The following RNGTT variants were observed in gnomAD, a reference collection of about 807,000 sequenced individuals.
The protein encoded by RNGTT is mRNA-capping enzyme.
In RNGTT, 33 loss-of-function variants were observed where a neutral mutation model predicts 79.3. The observed-to-expected ratio is 0.42, with a 90% confidence interval of 0.32 to 0.56. The LOEUF (loss-of-function observed/expected upper bound fraction) is 0.56. Among genes scored for constraint, RNGTT ranks in the 20% least tolerant of loss-of-function variants. The probability of loss-of-function intolerance (pLI) is 0.17; values close to 1 mark genes in which losing one functional copy is unlikely to be tolerated. For missense variants in RNGTT, 497 were observed against 739.1 expected (o/e 0.67, Z 3.80); for synonymous variants, 222 against 235.9 (o/e 0.94, Z 0.54).
intron 14 of RNGTT, 63 bp downstream of exon 14, chr6:88,678,290 G>A (rs1774957487): frequency 3.8e-6 from 6 of 1,566,150 alleles, no homozygotes; most frequent in Non-Finnish European, 5.2e-6. Flanking sequence ...TATTAGCAAG[G>A]TTTTGATGGA....
intron 11 of RNGTT, among the ~76,000 whole-genome samples, chr6:88,828,685 G>A (rs1468998827): frequency 2.0e-5 from 3 of 151,922 alleles, no homozygotes; most frequent in East Asian, 1.9e-4. Context: ...CCAGTTTAGA[G>A]AACATACATG....
At chr6:88,710,737 A>C (rs1349899463) in intron 13 of RNGTT, among the ~76,000 whole-genome samples, 1 of 152,234 alleles carries the variant, frequency 6.6e-6, no homozygotes, top group African/African-American at 2.4e-5. Flanking sequence ...CAGTGAAAAT[A>C]AAATTTTATA....
chr6:88,723,359 AC>A (rs1335735065), intron 13 of RNGTT, among the ~76,000 whole-genome samples: 91 of 152,262 alleles, frequency 6.0e-4, no homozygotes, highest in African/African-American at 2.2e-3. Context: ...ATCACAAACA[AC>A]CTGATAACTC....
At chr6:88,652,727 A>G (rs1773842732) in intron 14 of RNGTT, among the ~76,000 whole-genome samples, 1 of 152,174 alleles carries the variant, frequency 6.6e-6, no homozygotes. Context: ...CACAATGTGC[A>G]TGTTGTAAGA....
At chr6:88,827,141 C>A (rs964961985) in intron 11 of RNGTT, among the ~76,000 whole-genome samples, 2 of 151,900 alleles carry the variant, frequency 1.3e-5, no homozygotes, top group Non-Finnish European at 2.9e-5. Context: ...CAGCTCCCAG[C>A]GAGATCAATG....
At chr6:88,884,124 A>G (rs1042976877) in intron 8 of RNGTT, among the ~76,000 whole-genome samples, 5 of 152,184 alleles carry the variant, frequency 3.3e-5, no homozygotes, top group Admixed American at 2.6e-4. Flanking sequence ...CCAGCCTTCA[A>G]CTCAGCAATC....
intron 12 of RNGTT, among the ~76,000 whole-genome samples, chr6:88,772,773 T>C (rs1270263701): frequency 2.0e-4 from 30 of 151,540 alleles, no homozygotes; most frequent in Admixed American, 7.2e-4. Flanking sequence ...CAATGAGATA[T>C]CATCTCACAC....
intron 13 of RNGTT, among the ~76,000 whole-genome samples, chr6:88,762,844 GA>G (rs1172243034): frequency 1.3e-5 from 2 of 152,168 alleles, no homozygotes; most frequent in African/African-American, 4.8e-5. Flanking sequence ...GGCAGAGCTT[GA>G]ATTGAAATCC....
At chr6:88,668,491 A>G (rs962196633) in intron 14 of RNGTT, among the ~76,000 whole-genome samples, 2 of 152,232 alleles carry the variant, frequency 1.3e-5, no homozygotes, top group Admixed American at 1.3e-4. Flanking sequence ...CCCCACATGG[A>G]GGACTGTACC....
intron 6 of RNGTT, among the ~76,000 whole-genome samples, chr6:88,902,280 T>G (rs6925465): frequency 0.022 from 3,332 of 152,160 alleles, 124 homozygotes; most frequent in African/African-American, 0.076. Context: ...AAGATAGGAA[T>G]AAGTAAATGG....
chr6:88,638,286 GC>G (rs1188596954), intron 14 of RNGTT, among the ~76,000 whole-genome samples: 1 of 152,126 alleles, frequency 6.6e-6, no homozygotes, highest in African/African-American at 2.4e-5. Context: ...TGTATTTATA[GC>G]AAGCTAATTA....
At chr6:88,748,318 T>C (rs765748674) in intron 13 of RNGTT, among the ~76,000 whole-genome samples, 37 of 152,078 alleles carry the variant, frequency 2.4e-4, no homozygotes, top group Non-Finnish European at 4.4e-4. Flanking sequence ...TCTCTCTCCC[T>C]CCTTCACTTA....
chr6:88,668,901 C>T (rs757401126), intron 14 of RNGTT, among the ~76,000 whole-genome samples: 6 of 152,048 alleles, frequency 3.9e-5, no homozygotes, highest in South Asian at 4.1e-4. Context: ...AAAATAAGTA[C>T]ATTTGTCATG....
chr6:88,916,201 C>T lies in RNGTT; in HGVS notation c.368-9761G>A, dbSNP rs553805421. 9.9e-5 allele frequency among the ~76,000 whole-genome samples: 15 copies of T among 152,282 alleles called. No individual in the cohort carries two copies. The East Asian group carries it at 2.7e-3, about 27-fold the overall frequency. ...CTATCAAACCTCAGATTCTTCCAGG[C>T]AGGTGGCTCATGCCTGTGATCCCAG... On this transcript the variant is annotated intron_variant, in intron 4 of 15. Transcript: ENST00000369485.
chr6:88,825,031 C>G (rs1780613301), intron 11 of RNGTT, among the ~76,000 whole-genome samples: 1 of 152,060 alleles, frequency 6.6e-6, no homozygotes, highest in African/African-American at 2.4e-5. Flanking sequence ...GTGTGAGCCA[C>G]CACACCCAGC....
rs888546360 is a variant in RNGTT at position 88,652,316 on chromosome 6, C to T, written c.1506+26037G>A. On this transcript the variant is annotated intron_variant, in intron 14 of 15. Transcript: ENST00000369485. ...ACTTCATTGCATTTAGCATAGTTTG[C>T]AAATCTTCTGAACTGCAAACTTGTC... Among the ~76,000 whole-genome samples the T allele has an allele frequency of 1.1e-4, 17 of 152,186 alleles. No homozygotes were observed. In the Middle Eastern group the frequency reaches 0.017, roughly 152 times the overall value.
In RNGTT at chr6:88,823,260, G is replaced by A. The variant is rs144617569; in HGVS notation, c.1269+21097C>T. Among the ~76,000 whole-genome samples the A allele has an allele frequency of 2.3e-3, 343 of 151,974 alleles. 3 individuals are homozygous for A. Among genetic ancestry groups the A allele is most frequent in the African/African-American group, 8.1e-3 (336 of 41,442 alleles). Reference sequence around the variant, plus strand: ...TGACTGAACAACATGGTGAAACCCCGTCTCTACTAAAAATACAAAAAATTA... The same window carrying A: ...TGACTGAACAACATGGTGAAACCCCATCTCTACTAAAAATACAAAAAATTA... On this transcript the variant is annotated intron_variant, in intron 11 of 15. Coordinates refer to ENST00000369485, the MANE Select transcript of RNGTT (RefSeq NM_003800.5).
At chr6:88,793,281 G>A (rs999572905) in intron 12 of RNGTT, among the ~76,000 whole-genome samples, 8 of 152,078 alleles carry the variant, frequency 5.3e-5, no homozygotes, top group African/African-American at 1.9e-4. Context: ...TGAAAATGAT[G>A]AACTAGATAC....
At chr6:88,696,440 G>A (rs973685766) in intron 13 of RNGTT, among the ~76,000 whole-genome samples, 2 of 152,120 alleles carry the variant, frequency 1.3e-5, no homozygotes, top group African/African-American at 4.8e-5. Flanking sequence ...GTTATCTAAT[G>A]ATCCTACAAA....
Sources: gnomAD v4.1 joint callset for allele counts (sites outside exome capture counted in the v4.1 genomes callset) on GRCh38, gnomAD v4.1.1 for gene constraint, MANE v1.5 for transcripts, NCBI Gene and HGNC (gene_info 2026-07-23, HGNC 2026-07-21) for gene names.